NINJ2: variants seen among roughly 807,000 people sequenced by gnomAD.
The protein encoded by NINJ2 is ninjurin-2.
A neutral mutation model predicts 11.7 loss-of-function variants in NINJ2; 12 were observed. The observed-to-expected ratio is 1.02, with a 90% CI of 0.66 to 1.66. The LOEUF (loss-of-function observed/expected upper bound fraction) is 1.66. NINJ2 is among the 40% of genes most tolerant of loss of function. NINJ2 has a pLI of 0.00. For missense variants in NINJ2, 187 were observed against 181.8 expected, an observed-to-expected ratio of 1.03 and a Z score of -0.16; for synonymous variants, 93 against 76.8, an observed-to-expected ratio of 1.21 and a Z score of -1.10.
chr12:640,937 G>A lies in NINJ2; in HGVS notation c.33+22391C>T, dbSNP rs1319555426. The A allele has an allele frequency of 3.3e-5, 5 of 152,274 alleles. No homozygotes were observed. Among genetic ancestry groups the A allele is most frequent in the Non-Finnish European group, 5.9e-5 (4 of 68,134 alleles). 9.4% of individuals were successfully genotyped at this position (152,274 alleles called of 1,614,324 possible). A position where few individuals can be genotyped will look rare whatever the true frequency, so the allele number is the denominator to read the frequency against. On this transcript the variant is annotated intron_variant, in intron 1 of 3. Transcript: ENST00000305108. This position sits in a 1 kb window ranked among gnomAD's most constrained non-coding sequence, Gnocchi z 4.0. ...ACCACTCCTAACTTCAGTCCCGGAA[G>A]AATGGAAGGAAGGCTGCAACTTAAG... is the stretch of plus-strand genomic sequence containing the variant.
intron 1 of NINJ2, chr12:642,965 G>A (rs1213706092): frequency 1.3e-5 from 2 of 149,542 alleles, no homozygotes; most frequent in East Asian, 3.9e-4. Flanking sequence ...CGCGCCCGCC[G>A]GCCCGGCCCT....
Position 566,049 on chromosome 12 carries a change from C to T in NINJ2, c.163G>A (p.Glu55Lys). 6.2e-7 allele frequency: 1 copy of T among 1,614,176 alleles called. No individual in the cohort carries two copies. Among genetic ancestry groups the T allele is most frequent in the Non-Finnish European group, 8.5e-7 (1 of 1,180,022 alleles). The change falls in exon 2 of 4, where the codon GAG becomes AAG. Residue 55 changes from glutamate (E) to lysine (K), a missense_variant. Coordinates refer to ENST00000305108, the MANE Select transcript of NINJ2 (RefSeq NM_016533.6). Reference protein sequence around the residue: ...SNAMRLKAVLEQGPSSHYYTT... With the variant: ...SNAMRLKAVLKQGPSSHYYTT... The stretch of plus-strand genomic sequence containing the variant: ...TAGTAGTGAGAGGATGGTCCCTGCT[C>T]CAGCACCGCCTTCAGCCGCATGGCG...
chr12:608,510 T>C (rs1947967791), intron 1 of NINJ2, among the ~76,000 whole-genome samples: 2 of 152,140 alleles, frequency 1.3e-5, no homozygotes, highest in African/African-American at 4.8e-5. Flanking sequence ...GAGACATAAA[T>C]GAGACATTAA....
intron 1 of NINJ2, among the ~76,000 whole-genome samples, chr12:597,154 C>T (rs1947798962): frequency 6.6e-6 from 1 of 152,144 alleles, no homozygotes; most frequent in African/African-American, 2.4e-5. Context: ...GAAGGCGAAA[C>T]ACTACGTGGT....
rs1463005835 is a variant in NINJ2, at chr12:565,966, G to A, written c.246C>T (p.Val82=). Residue 82 remains valine, a synonymous_variant, in exon 2 of 4, where the codon GTC becomes GTT. Coordinates refer to ENST00000305108, the MANE Select transcript of NINJ2 (RefSeq NM_016533.6). ...LSLLLQVVIG[V]LLVVIARLNL... is the part of the protein sequence containing the mutation. ...GCTCCTCACCAATGACCACGAGCAG[G>A]ACACCGATGACCACCTGCAGGAGCA... The A allele has an allele frequency of 1.9e-6, 3 of 1,614,076 alleles. No homozygotes were observed. Among genetic ancestry groups the A allele is most frequent in the Admixed American group, 1.7e-5 (1 of 60,018 alleles).
At chr12:589,395 G>T (rs1329669020) in intron 1 of NINJ2, 1 of 152,188 alleles carries the variant, frequency 6.6e-6, no homozygotes, top group African/African-American at 2.4e-5. Flanking sequence ...AGTATTCAGA[G>T]GATCTACTTT....
At chr12:629,791 G>A (rs1443939015) in intron 1 of NINJ2, among the ~76,000 whole-genome samples, 1 of 149,056 alleles carries the variant, frequency 6.7e-6, no homozygotes, top group Non-Finnish European at 1.5e-5. Context: ...GGAGACTGAG[G>A]CAGGAGAATC....
chr12:604,237 C>G (rs1184536402), intron 1 of NINJ2, among the ~76,000 whole-genome samples: 2 of 152,170 alleles, frequency 1.3e-5, no homozygotes, highest in East Asian at 1.9e-4. Context: ...GCTATCTTAA[C>G]AACAGTAAAG....
At position 591,829 on chromosome 12, in the gene NINJ2, A is replaced by C. The variant is rs1361972683; in HGVS notation, c.34-25651T>G. Among the ~76,000 whole-genome samples, 4 of 152,164 alleles carry C rather than the reference A, an allele frequency of 2.6e-5. No individual in the cohort carries two copies. The highest frequency in any genetic ancestry group is 9.7e-5 in the African/African-American group (4 of 41,418). On this transcript the variant is annotated intron_variant, in intron 1 of 3. Coordinates refer to ENST00000305108, the MANE Select transcript of NINJ2 (RefSeq NM_016533.6). This position sits in a 1 kb window ranked among gnomAD's most constrained non-coding sequence, Gnocchi z 5.0. ...TATTTCTCAGGTTCTGGGCCTCATT[A>C]GAACAGGAAAGCCTTCTGAAAGAGT...
At chr12:588,480 T>C (rs555705332) in intron 1 of NINJ2, among the ~76,000 whole-genome samples, 39 of 152,312 alleles carry the variant, frequency 2.6e-4, no homozygotes, top group African/African-American at 9.1e-4. Flanking sequence ...CAGAACACTT[T>C]ATATATCTGA....
At position 566,180 on chromosome 12, in the gene NINJ2, T is replaced by C. The variant is rs1947299773; in HGVS notation, c.34-2A>G. On this transcript the variant is annotated splice_acceptor_variant, in intron 1 of 3. Transcript: ENST00000305108. LOFTEE classifies it high-confidence loss of function. Reference sequence around the variant, plus strand: ...GCTCCTGGGGTCGGAGCTTCCAGGCTGTAGGGGAGAAAGCACAGACTTACC... The same window carrying C: ...GCTCCTGGGGTCGGAGCTTCCAGGCCGTAGGGGAGAAAGCACAGACTTACC... 6.2e-7 allele frequency: 1 copy of C among 1,611,740 alleles called. No individual in the cohort carries two copies. The highest frequency in any genetic ancestry group is 8.5e-7 in the Non-Finnish European group (1 of 1,178,584).
intron 1 of NINJ2, among the ~76,000 whole-genome samples, chr12:662,017 A>G (rs1298222465): frequency 6.6e-6 from 1 of 152,224 alleles, no homozygotes; most frequent in Non-Finnish European, 1.5e-5. Flanking sequence ...GTGTAACTTT[A>G]GGTGGTGAGC....
chr12:583,716 G>A (rs1484398534), intron 1 of NINJ2, among the ~76,000 whole-genome samples: 1 of 152,198 alleles, frequency 6.6e-6, no homozygotes, highest in Non-Finnish European at 1.5e-5. Context: ...CCATGAAATG[G>A]AGGCGGTCAA....
chr12:565,355 C>T lies in NINJ2; in HGVS notation c.309G>A (p.Gln103=). 1.2e-6 allele frequency: 2 copies of T among 1,614,194 alleles called. No individual in the cohort carries two copies. Among genetic ancestry groups the T allele is most frequent in the Non-Finnish European group, 1.7e-6 (2 of 1,180,028 alleles). ...NEVEKQWRLN[Q]LNNAATILVF... ...CCAAGATGGTGGCTGCGTTGTTGAG[C>T]TGGTTGAGTCGCCACTGCTTTTCTA... is the stretch of plus-strand genomic sequence containing the variant. Residue 103 remains glutamine (Q), a synonymous_variant, in exon 3 of 4, where the codon CAG becomes CAA. Coordinates refer to ENST00000305108, the MANE Select transcript of NINJ2 (RefSeq NM_016533.6).
chr12:607,376 G>C (rs1323780062), intron 1 of NINJ2, among the ~76,000 whole-genome samples: 1 of 152,090 alleles, frequency 6.6e-6, no homozygotes, highest in Non-Finnish European at 1.5e-5. Context: ...TGATGATGAT[G>C]ATGACGACTG....
chr12:637,809 C>T (rs1010865407), intron 1 of NINJ2, among the ~76,000 whole-genome samples: 7 of 152,098 alleles, frequency 4.6e-5, no homozygotes, highest in African/African-American at 7.2e-5. Flanking sequence ...TTAGTGCTTA[C>T]GGGTGGGGTA....
At chr12:649,471 G>T (rs1033955649) in intron 1 of NINJ2, among the ~76,000 whole-genome samples, 2 of 148,864 alleles carry the variant, frequency 1.3e-5, no homozygotes, top group African/African-American at 4.9e-5. Context: ...TAATAGTCAT[G>T]TATAAACTGT....
At chr12:622,434 A>AAAAAAT (rs1206701601) in intron 1 of NINJ2, among the ~76,000 whole-genome samples, 1 of 144,240 alleles carries the variant, frequency 6.9e-6, no homozygotes. Flanking sequence ...AAAAAAAAAA[A>AAAAAAT]GGAAAGAAAG....
intron 1 of NINJ2, among the ~76,000 whole-genome samples, chr12:636,470 C>T (rs7955463): frequency 6.6e-6 from 1 of 151,590 alleles, no homozygotes; most frequent in South Asian, 2.1e-4. Flanking sequence ...TATTTGTAAA[C>T]CATATTTCTG....
Sources: gnomAD v4.1 joint callset for allele counts (sites outside exome capture counted in the v4.1 genomes callset) on GRCh38, gnomAD v4.1.1 for gene constraint, Gnocchi (gnomAD v3.1) non-coding constraint, MANE v1.5 for transcripts, NCBI Gene and HGNC (gene_info 2026-07-23, HGNC 2026-07-21) for gene names.